The following SKI variants were observed in gnomAD, a reference collection of about 807,000 sequenced individuals.
SKI encodes the protein ski oncogene.
Under a neutral mutation model 59.3 loss-of-function variants are expected in SKI, and 23 were observed. The observed-to-expected ratio is 0.39, with a 90% CI of 0.28 to 0.55. SKI has a LOEUF of 0.55. SKI is among the 20% of genes least tolerant of loss of function. The probability of loss-of-function intolerance (pLI) is 0.67; values close to 1 mark genes in which losing one functional copy is unlikely to be tolerated. For synonymous variants in SKI, 673 were observed against 488.6 expected (o/e 1.38, Z -4.98); for missense variants, 1,017 against 1,038.9 (o/e 0.98, Z 0.29).
In SKI at chr1:2,229,441, C is replaced by T. The variant is rs757106979; in HGVS notation, c.675C>T (p.Phe225=). Residue 225 remains phenylalanine (F), a synonymous_variant, in exon 1 of 7, where the codon TTC becomes TTT. Coordinates refer to ENST00000378536, the MANE Select transcript of SKI (RefSeq NM_003036.4). This position sits in a 1 kb window ranked among gnomAD's most constrained non-coding sequence, Gnocchi z 6.3. The part of the protein sequence containing the change: ...ERSVRVYHEC[F]GKCKGLLVPE... Reference sequence around the variant, plus strand: ...GCGTCCGCGTGTACCACGAGTGCTTCGGCAAGTGTAAGGGGCTGCTGGTGC... The same window carrying T: ...GCGTCCGCGTGTACCACGAGTGCTTTGGCAAGTGTAAGGGGCTGCTGGTGC... 3.1e-6 allele frequency: 5 copies of T among 1,612,042 alleles called. No homozygotes were observed. Among genetic ancestry groups the T allele is most frequent in the East Asian group, 4.5e-5 (2 of 44,860 alleles).
intron 6 of SKI, 143 bp from the exon 7 acceptor site, chr1:2,306,434 T>C: frequency 9.9e-7 from 1 of 1,008,422 alleles, no homozygotes; most frequent in Non-Finnish European, 1.4e-6. Flanking sequence ...CTCGTGAGCC[T>C]GTGTCCTAGC....
At chr1:2,250,378 G>T (rs1363237977) in intron 1 of SKI, among the ~76,000 whole-genome samples, 19 of 152,208 alleles carry the variant, frequency 1.2e-4, no homozygotes, top group Admixed American at 1.2e-3. Context: ...GGCCACTGCT[G>T]CCCAGGTATG....
chr1:2,249,459 T>C (rs1569718854), intron 1 of SKI, among the ~76,000 whole-genome samples: 2 of 152,222 alleles, frequency 1.3e-5, no homozygotes, highest in East Asian at 3.8e-4. Flanking sequence ...AGGGGGACCC[T>C]TTCAAGTGTC....
intron 1 of SKI, among the ~76,000 whole-genome samples, chr1:2,238,713 C>T (rs1385943538): frequency 1.3e-5 from 2 of 152,252 alleles, no homozygotes; most frequent in Non-Finnish European, 1.5e-5. Context: ...AAGGTGTACA[C>T]GTCCACTGAG....
At chr1:2,301,848 C>A (rs577963216) in intron 1 of SKI, among the ~76,000 whole-genome samples, 11 of 152,356 alleles carry the variant, frequency 7.2e-5, no homozygotes, top group African/African-American at 2.4e-4. Context: ...GTGAAGGGCC[C>A]CTTGCCCTGT....
intron 1 of SKI, among the ~76,000 whole-genome samples, chr1:2,256,011 CTG>C (rs762864015): frequency 6.6e-6 from 1 of 151,406 alleles, no homozygotes; most frequent in Non-Finnish European, 1.5e-5. Flanking sequence ...ATGCAACACA[CTG>C]TGCCCGGACT....
chr1:2,231,147 G>A (rs886106641), intron 1 of SKI, among the ~76,000 whole-genome samples: 10 of 152,124 alleles, frequency 6.6e-5, no homozygotes, highest in Non-Finnish European at 1.3e-4. Context: ...GCCCGATGGC[G>A]CTCCCTGTGG....
chr1:2,256,077 CTCTGTGT>C (rs1338239918), intron 1 of SKI, among the ~76,000 whole-genome samples: 1 of 151,594 alleles, frequency 6.6e-6, no homozygotes, highest in Non-Finnish European at 1.5e-5. Context: ...GTCAGGAGCA[CTCTGTGT>C]ACTGACCTCA....
intron 1 of SKI, chr1:2,232,557 C>T (rs907911544): frequency 6.6e-6 from 1 of 152,260 alleles, no homozygotes; most frequent in Non-Finnish European, 1.5e-5. Flanking sequence ...CCAGATGCCC[C>T]CTCATGTCAC....
chr1:2,262,748 A>T (rs1348109693), intron 1 of SKI, among the ~76,000 whole-genome samples: 1 of 151,960 alleles, frequency 6.6e-6, no homozygotes, highest in Non-Finnish European at 1.5e-5. Context: ...ATTTATTGAG[A>T]TTATTAATAT....
chr1:2,246,180 C>G (rs1352939500), intron 1 of SKI, among the ~76,000 whole-genome samples: 1 of 152,248 alleles, frequency 6.6e-6, no homozygotes. Context: ...GCAGCACTGT[C>G]TTTGCATCCT....
chr1:2,264,356 G>C (rs1639454141), intron 1 of SKI, among the ~76,000 whole-genome samples: 1 of 152,094 alleles, frequency 6.6e-6, no homozygotes, highest in Admixed American at 6.6e-5. Flanking sequence ...TGCAACCTCT[G>C]CCTCTGGGTT....
At chr1:2,284,753 G>A (rs1412932348) in intron 1 of SKI, among the ~76,000 whole-genome samples, 1 of 152,208 alleles carries the variant, frequency 6.6e-6, no homozygotes, top group Non-Finnish European at 1.5e-5. Context: ...GTCAGGGAGG[G>A]GTGGATGGCC....
At position 2,287,208 on chromosome 1, in the gene SKI, G is replaced by A. The variant is rs563703142; in HGVS notation, c.970-15770G>A. The stretch of plus-strand genomic sequence containing the variant: ...CCTGGGCCGTGCGGGGCTCCAGGGC[G>A]CCTGGAGACTGCCATTTTGTGTGGG... On this transcript the variant is annotated intron_variant, in intron 1 of 6. Coordinates refer to ENST00000378536, the MANE Select transcript of SKI (RefSeq NM_003036.4). Among the ~76,000 whole-genome samples, 290 of 152,248 alleles carry A rather than the reference G, an allele frequency of 1.9e-3. 2 individuals are homozygous for A. The highest frequency in any genetic ancestry group is 6.7e-3 in the African/African-American group (279 of 41,542).
intron 1 of SKI, among the ~76,000 whole-genome samples, chr1:2,245,939 G>C (rs1014364540): frequency 6.6e-6 from 1 of 151,822 alleles, no homozygotes; most frequent in African/African-American, 2.4e-5. Context: ...TGGGGCTATA[G>C]GTGTGTGCCA....
In SKI at chr1:2,303,040, C is replaced by T. The variant is rs766656095; in HGVS notation, c.1032C>T (p.Pro344=). ...CAGATGACACCTCTTCCCAGTCCCC[C>T]GCGCCTTCCGAAAAGGACAAGCCGT... ...PKTDDTSSQS[P]APSEKDKPSS... Residue 344 remains proline (P), a synonymous_variant, in exon 2 of 7, where the codon CCC becomes CCT. Transcript: ENST00000378536. The surrounding 1 kb of genome is among the most constrained non-coding windows in gnomAD (Gnocchi z 5.6). 3.3e-5 allele frequency: 54 copies of T among 1,613,616 alleles called. No individual in the cohort carries two copies. Among genetic ancestry groups the T allele is most frequent in the Middle Eastern group, 1.6e-4 (1 of 6,084 alleles).
At position 2,253,523 on chromosome 1, in the gene SKI, T is replaced by C. The variant is rs563336552; in HGVS notation, c.969+23788T>C. 5.2e-4 allele frequency among the ~76,000 whole-genome samples: 79 copies of C among 152,310 alleles called. 3 individuals carry two copies. In the South Asian group the frequency reaches 0.013, roughly 24 times the overall value. On this transcript the variant is annotated intron_variant, in intron 1 of 6. Transcript: ENST00000378536. The stretch of plus-strand genomic sequence containing the variant: ...TCGGAAGGAACAGGACACGCAGCCT[T>C]ATGTTCCTGTCAGCCCTTCCTGCAC...
In SKI at chr1:2,228,934, C is replaced by T; in HGVS notation, c.168C>T (p.Gly56=). Residue 56 remains glycine, a synonymous_variant, in exon 1 of 7, where the codon GGC becomes GGT. Transcript: ENST00000378536. The part of the protein sequence containing the change: ...AYKKESAKEA[G]AAAVPAPVPA... ...AGAAGGAGAGCGCCAAGGAGGCGGG[C>T]GCGGCCGCGGTGCCGGCGCCGGTGC... 2 of 1,381,898 alleles carry T rather than the reference C, an allele frequency of 1.4e-6. No individual in the cohort carries two copies. The highest frequency in any genetic ancestry group is 1.4e-5 in the South Asian group (1 of 69,130). The allele number at this position is 1,381,898 out of a possible 1,614,324, so 85.6% of individuals were successfully genotyped here.
chr1:2,260,715 A>C, intron 1 of SKI, among the ~76,000 whole-genome samples: 1 of 149,854 alleles, frequency 6.7e-6, no homozygotes, highest in African/African-American at 2.5e-5. Context: ...TAATTTTTGT[A>C]TTTTTTGTAG....
Sources: allele counts gnomAD v4.1 joint callset (sites outside exome capture counted in the v4.1 genomes callset), GRCh38; gene constraint gnomAD v4.1.1; non-coding constraint Gnocchi (gnomAD v3.1); transcripts MANE v1.5; gene names NCBI Gene and HGNC (gene_info 2026-07-23, HGNC 2026-07-21).